The following TRAPPC9 variants were observed in gnomAD, a reference collection of about 807,000 sequenced individuals.
TRAPPC9 encodes IKK2 binding protein.
Under a neutral mutation model 124.0 loss-of-function variants are expected in TRAPPC9, and 83 were observed. The observed-to-expected ratio is 0.67, with a 90% CI of 0.56 to 0.80. TRAPPC9 has a LOEUF of 0.80. TRAPPC9 is among the 30% of genes least tolerant of loss of function. TRAPPC9 has a pLI of 0.00. For synonymous variants in TRAPPC9, 638 were observed against 617.5 expected (o/e 1.03, Z -0.49); for missense variants, 1,302 against 1,508.3 (o/e 0.86, Z 2.27).
chr8:140,294,601 ATTC>A (rs1412032478), intron 11 of TRAPPC9, among the ~76,000 whole-genome samples: 3 of 151,740 alleles, frequency 2.0e-5, no homozygotes, highest in East Asian at 3.9e-4. Context: ...ATAAAAATTT[ATTC>A]TTCTTTTTTT....
chr8:140,053,044 A>C lies in TRAPPC9; in HGVS notation c.2557-28965T>G, dbSNP rs180960435. On this transcript the variant is annotated intron_variant, in intron 17 of 22. Transcript: ENST00000438773. The stretch of plus-strand genomic sequence containing the variant: ...CACTACTAAGTAAAGGGGAGGAAAA[A>C]GAGACATCTCTTTCCTACAGAATTC... 3.9e-3 allele frequency among the ~76,000 whole-genome samples: 600 copies of C among 152,326 alleles called. 1 individual carries two copies. The highest frequency in any genetic ancestry group is 6.9e-3 in the Non-Finnish European group (468 of 68,036).
intron 11 of TRAPPC9, among the ~76,000 whole-genome samples, chr8:140,296,879 T>C (rs1431157497): frequency 6.6e-6 from 1 of 152,058 alleles, no homozygotes; most frequent in African/African-American, 2.4e-5. Flanking sequence ...CCAACCCCAA[T>C]GAGAACACAA....
At chr8:140,385,974 C>G (rs2068744642) in intron 7 of TRAPPC9, among the ~76,000 whole-genome samples, 1 of 152,206 alleles carries the variant, frequency 6.6e-6, no homozygotes, top group South Asian at 2.1e-4. Context: ...CCACCATGAT[C>G]AAGTGGGCTT....
chr8:140,050,096 C>A (rs748444536), intron 17 of TRAPPC9, among the ~76,000 whole-genome samples: 4 of 152,134 alleles, frequency 2.6e-5, no homozygotes, highest in Non-Finnish European at 5.9e-5. Flanking sequence ...ACCTGGGGAC[C>A]CATGTTGATA....
intron 21 of TRAPPC9, among the ~76,000 whole-genome samples, chr8:139,768,439 A>G (rs1820724767): frequency 6.6e-6 from 1 of 152,214 alleles, no homozygotes; most frequent in African/African-American, 2.4e-5. Flanking sequence ...CCTGCGGGCC[A>G]CACCGACTGC....
chr8:140,024,359 G>A (rs1839996467), intron 17 of TRAPPC9, among the ~76,000 whole-genome samples: 1 of 151,796 alleles, frequency 6.6e-6, no homozygotes, highest in Non-Finnish European at 1.5e-5. Flanking sequence ...ACATGCAAAC[G>A]GAAAGGGCTT....
chr8:139,983,526 A>G (rs1268682668), intron 19 of TRAPPC9, among the ~76,000 whole-genome samples: 1 of 152,056 alleles, frequency 6.6e-6, no homozygotes, highest in Non-Finnish European at 1.5e-5. Flanking sequence ...AGTGTAGTGA[A>G]AACACAGGCA....
At chr8:140,407,662 G>GGTGCTGGAGTGCAGTT (rs1332442766) in intron 5 of TRAPPC9, among the ~76,000 whole-genome samples, 1 of 152,136 alleles carries the variant, frequency 6.6e-6, no homozygotes, top group Non-Finnish European at 1.5e-5. Context: ...GGAGTGCAGT[G>GGTGCTGGAGTGCAGTT]GTACTGGAGT....
chr8:140,211,357 G>A (rs2063057375), intron 17 of TRAPPC9, among the ~76,000 whole-genome samples: 2 of 152,092 alleles, frequency 1.3e-5, no homozygotes, highest in Admixed American at 1.3e-4. Flanking sequence ...CCAGGTGTTC[G>A]AGACCAGCCT....
chr8:139,866,336 T>G (rs538730745), intron 21 of TRAPPC9, among the ~76,000 whole-genome samples: 1 of 152,286 alleles, frequency 6.6e-6, no homozygotes, highest in East Asian at 1.9e-4. Flanking sequence ...AGGAAGTCCA[T>G]TCAGATGGTC....
intron 9 of TRAPPC9, among the ~76,000 whole-genome samples, chr8:140,337,601 G>A (rs940604276): frequency 1.3e-5 from 2 of 152,188 alleles, no homozygotes; most frequent in South Asian, 2.1e-4. Context: ...ATCCAGATGC[G>A]CCTCCCTCCG....
intron 17 of TRAPPC9, chr8:140,095,089 C>A (rs1437623674): frequency 6.6e-6 from 1 of 152,210 alleles, no homozygotes; most frequent in East Asian, 1.9e-4. Context: ...TTCCAAACTC[C>A]AAACCATGGT....
At chr8:139,922,452 G>A (rs1471579259) in intron 19 of TRAPPC9, among the ~76,000 whole-genome samples, 1 of 152,250 alleles carries the variant, frequency 6.6e-6, no homozygotes, top group Non-Finnish European at 1.5e-5. Context: ...AATGTGCTGG[G>A]ATTACAGGCG....
intron 21 of TRAPPC9, among the ~76,000 whole-genome samples, chr8:139,814,580 T>C (rs899316502): frequency 4.6e-5 from 7 of 152,062 alleles, no homozygotes; most frequent in African/African-American, 1.7e-4. Context: ...TCCTTCCAGG[T>C]AGATAGGAAG....
Position 140,171,716 on chromosome 8 carries a change from C to T in TRAPPC9, c.2556+49743G>A, listed in dbSNP as rs560296644. Among the ~76,000 whole-genome samples, 6 of 152,194 alleles carry T rather than the reference C, an allele frequency of 3.9e-5. No individual in the cohort carries two copies. In the South Asian group the frequency reaches 6.2e-4, roughly 16 times the overall value. On this transcript the variant is annotated intron_variant, in intron 17 of 22. Coordinates refer to ENST00000438773, the MANE Select transcript of TRAPPC9 (RefSeq NM_001160372.4). ...GGGGGACAAAGGGACCCCGTGGACC[C>T]GTAGGAGGAAAAAATTGGGAGAACT...
rs565060611 is a variant in TRAPPC9, at chr8:139,904,036, T to C, written c.2964+6111A>G. Among the ~76,000 whole-genome samples, 618 of 152,186 alleles carry C rather than the reference T, an allele frequency of 4.1e-3. 5 individuals carry two copies. The highest frequency in any genetic ancestry group is 0.014 in the African/African-American group (594 of 41,530). ...AAAAAACAAACAGTTTTCATACCTA[T>C]GTGCTAGCGATTATACACAGCACTT... On this transcript the variant is annotated intron_variant, in intron 20 of 22. Coordinates refer to ENST00000438773, the MANE Select transcript of TRAPPC9 (RefSeq NM_001160372.4).
At chr8:139,999,596 C>T (rs1163127384) in intron 18 of TRAPPC9, among the ~76,000 whole-genome samples, 2 of 151,994 alleles carry the variant, frequency 1.3e-5, no homozygotes, top group Non-Finnish European at 2.9e-5. Flanking sequence ...GAACACTCCA[C>T]CCACCAAGAG....
intron 17 of TRAPPC9, among the ~76,000 whole-genome samples, chr8:140,161,586 G>C (rs1329779076): frequency 2.6e-5 from 4 of 152,112 alleles, no homozygotes; most frequent in Non-Finnish European, 5.9e-5. Context: ...ACAAAGTCTT[G>C]ACTGCATTTT....
intron 11 of TRAPPC9, among the ~76,000 whole-genome samples, chr8:140,297,349 G>GACACACACATAC (rs1554663386): frequency 2.0e-5 from 3 of 151,544 alleles, no homozygotes; most frequent in Non-Finnish European, 4.4e-5. Context: ...CACATGCATA[G>GACACACACATAC]ACACACACAC....
Sources: gnomAD v4.1 joint callset for allele counts (sites outside exome capture counted in the v4.1 genomes callset) on GRCh38, gnomAD v4.1.1 for gene constraint, MANE v1.5 for transcripts, NCBI Gene and HGNC (gene_info 2026-07-23, HGNC 2026-07-21) for gene names.